The following IRGM variants were observed in gnomAD, a reference collection of about 807,000 sequenced individuals.
IRGM encodes immunity-related GTPase family M protein.
For synonymous variants in IRGM, 98 were observed against 80.6 expected, an observed-to-expected ratio of 1.22 and a Z score of -1.16; for missense variants, 288 against 219.9, an observed-to-expected ratio of 1.31 and a Z score of -1.96.
chr5:150,864,577 T>G (rs370124172), intron 1 of IRGM, among the ~76,000 whole-genome samples: 17 of 152,322 alleles, frequency 1.1e-4, no homozygotes, highest in East Asian at 9.7e-4. Flanking sequence ...CACTATCATG[T>G]CTGAGGCACA....
chr5:150,852,343 C>T (rs1301942817), downstream of IRGM, among the ~76,000 whole-genome samples: 1 of 152,036 alleles, frequency 6.6e-6, no homozygotes, highest in African/African-American at 2.4e-5. Context: ...CTTATCTTTT[C>T]CTGCTACATT....
chr5:150,850,785 G>T (rs1753963747), downstream of IRGM, among the ~76,000 whole-genome samples: 1 of 152,058 alleles, frequency 6.6e-6, no homozygotes, highest in African/African-American at 2.4e-5. Context: ...GATTATTCTG[G>T]TTTCCACCCC....
intron 3 of IRGM, among the ~76,000 whole-genome samples, chr5:150,882,052 C>T (rs1437263691): frequency 6.6e-6 from 1 of 151,770 alleles, no homozygotes; most frequent in African/African-American, 2.4e-5. Flanking sequence ...TGTGGTGGCA[C>T]CCACCTGTAG....
chr5:150,852,256 A>C (rs1200326580), downstream of IRGM, among the ~76,000 whole-genome samples: 1 of 152,142 alleles, frequency 6.6e-6, no homozygotes, highest in Non-Finnish European at 1.5e-5. Flanking sequence ...CATTACTATA[A>C]ATTCTTAGAC....
At chr5:150,879,125 T>C (rs1754408622) in intron 2 of IRGM, among the ~76,000 whole-genome samples, 1 of 152,174 alleles carries the variant, frequency 6.6e-6, no homozygotes, top group African/African-American at 2.4e-5. Context: ...ATGCTGATGG[T>C]AGCTGAGATG....
At chr5:150,883,023 A>G (rs1202175449) in intron 3 of IRGM, among the ~76,000 whole-genome samples, 1 of 152,162 alleles carries the variant, frequency 6.6e-6, no homozygotes, top group Non-Finnish European at 1.5e-5. Context: ...TATCTTTTCC[A>G]GCCAAAATGG....
At chr5:150,861,148 ATGGCTCACTGGAGGTTCAACTGATTT>A (rs1478028345) in intron 1 of IRGM, among the ~76,000 whole-genome samples, 1 of 152,162 alleles carries the variant, frequency 6.6e-6, no homozygotes, top group African/African-American at 2.4e-5. Flanking sequence ...AATATCCAAG[ATGGCTCACTGGAGGTTCAACTGATTT>A]GGAATGTGTA....
intron 3 of IRGM, chr5:150,895,781 T>C (rs188394854): frequency 2.1e-4 from 345 of 1,613,460 alleles, no homozygotes; most frequent in Middle Eastern, 6.6e-4. Flanking sequence ...CTCCAGTATG[T>C]GTTCTCTGAT....
At chr5:150,894,893 A>G (rs1440369856) in intron 3 of IRGM, 2 of 152,356 alleles carry the variant, frequency 1.3e-5, no homozygotes, top group Non-Finnish European at 2.9e-5. Flanking sequence ...TATATGCTTG[A>G]GATGGGAAAA....
intron 3 of IRGM, among the ~76,000 whole-genome samples, chr5:150,889,174 T>C (rs1364096795): frequency 1.3e-5 from 2 of 151,120 alleles, no homozygotes; most frequent in Non-Finnish European, 2.9e-5. Flanking sequence ...ACCGTATTAG[T>C]TCGTTTTCAT....
At chr5:150,885,429 T>C (rs1165366049) in intron 3 of IRGM, among the ~76,000 whole-genome samples, 2 of 152,084 alleles carry the variant, frequency 1.3e-5, no homozygotes, top group African/African-American at 4.8e-5. Context: ...AATTTTAAAA[T>C]TGATTTTTAA....
chr5:150,896,421 G>T (rs1043351906), intron 3 of IRGM: 1 of 1,613,598 alleles, frequency 6.2e-7, no homozygotes. Flanking sequence ...TTTTCCACAT[G>T]TAACACATAC....
At chr5:150,857,919 C>G (rs1477685347) in intron 1 of IRGM, among the ~76,000 whole-genome samples, 1 of 151,080 alleles carries the variant, frequency 6.6e-6, no homozygotes, top group Non-Finnish European at 1.5e-5. Flanking sequence ...TGCAGAAGCT[C>G]TTTAGTTTAA....
intron 3 of IRGM, among the ~76,000 whole-genome samples, chr5:150,883,325 C>T (rs765625312): frequency 9.2e-5 from 14 of 151,564 alleles, no homozygotes; most frequent in Non-Finnish European, 1.8e-4. Flanking sequence ...AAAAAAACAA[C>T]GTAGTGTTAT....
chr5:150,874,743 A>G (rs1581648050), intron 1 of IRGM, among the ~76,000 whole-genome samples: 1 of 152,178 alleles, frequency 6.6e-6, no homozygotes, highest in Non-Finnish European at 1.5e-5. Context: ...GCAGACAGGA[A>G]TGTTGTTGGG....
chr5:150,848,866 G>A (rs187029693), downstream of IRGM, among the ~76,000 whole-genome samples: 11 of 152,064 alleles, frequency 7.2e-5, no homozygotes, highest in East Asian at 7.7e-4. Context: ...TGCTTGCTTC[G>A]AAGGTCCTTT....
chr5:150,855,135 C>A (rs1754033082), intron 1 of IRGM, among the ~76,000 whole-genome samples: 1 of 152,188 alleles, frequency 6.6e-6, no homozygotes, highest in African/African-American at 2.4e-5. Flanking sequence ...GACCAAGACT[C>A]ATAGCCTGGC....
In IRGM at chr5:150,881,654, A is replaced by G. The variant is rs192958409; in HGVS notation, c.*140+2008A>G. Among the ~76,000 whole-genome samples, 1,494 of 151,256 alleles carry G rather than the reference A, an allele frequency of 9.9e-3. 29 individuals carry two copies. The highest frequency in any genetic ancestry group is 0.034 in the African/African-American group (1,393 of 40,588). ...AAGTTAAAAGATAAAATTATTAAAA[A>G]TAATAATAGCAATATCATCACTGCA... is the stretch of plus-strand genomic sequence containing the variant. On this transcript the variant is annotated intron_variant and NMD_transcript_variant, in intron 3 of 3. Transcript: ENST00000520549.
chr5:150,855,536 G>A (rs1344708276), intron 1 of IRGM, among the ~76,000 whole-genome samples: 1 of 152,196 alleles, frequency 6.6e-6, no homozygotes, highest in African/African-American at 2.4e-5. Context: ...AGATTAGGAA[G>A]AATGTAAACT....
Sources: gnomAD v4.1 joint callset for allele counts (sites outside exome capture counted in the v4.1 genomes callset) on GRCh38, gnomAD v4.1.1 for gene constraint, MANE v1.5 for transcripts, NCBI Gene and HGNC (gene_info 2026-07-23, HGNC 2026-07-21) for gene names.